The following CSMD2 variants were observed in gnomAD, a reference collection of about 807,000 sequenced individuals.
CSMD2 encodes CUB and sushi domain-containing protein 2.
A neutral mutation model predicts 398.5 loss-of-function variants in CSMD2; 130 were observed. The ratio of observed to expected loss-of-function variants is 0.33; its 90% CI spans 0.28 to 0.38. The LOEUF is 0.38. CSMD2 is among the 10% of genes least tolerant of loss of function. The pLI is 1.00. For missense variants in CSMD2, 3,829 were observed against 4,764.9 expected, an observed-to-expected ratio of 0.80 and a Z score of 5.78; for synonymous variants, 1,828 against 1,908.5, an observed-to-expected ratio of 0.96 and a Z score of 1.10.
intron 13 of CSMD2, among the ~76,000 whole-genome samples, chr1:33,746,462 C>T (rs1647398867): frequency 6.6e-6 from 1 of 151,948 alleles, no homozygotes; most frequent in South Asian, 2.1e-4. Context: ...GGCCTGAGAC[C>T]CTCTCCCCAC....
intron 2 of CSMD2, among the ~76,000 whole-genome samples, chr1:34,069,512 T>C (rs1409084391): frequency 6.6e-6 from 1 of 152,202 alleles, no homozygotes; most frequent in Non-Finnish European, 1.5e-5. Context: ...CAAGGGTACT[T>C]GTCCAAAGTC....
At chr1:33,647,570 A>G (rs1643523413) in intron 28 of CSMD2, among the ~76,000 whole-genome samples, 1 of 152,242 alleles carries the variant, frequency 6.6e-6, no homozygotes, top group Non-Finnish European at 1.5e-5. Flanking sequence ...ACCAAAATAA[A>G]CTCACACTAA....
At chr1:34,136,084 T>C (rs1209984686) in intron 1 of CSMD2, among the ~76,000 whole-genome samples, 4 of 152,028 alleles carry the variant, frequency 2.6e-5, no homozygotes, top group Non-Finnish European at 5.9e-5. Context: ...AAAAATTAGG[T>C]CATTTGGGTA....
chr1:33,999,984 T>C (rs1011934854), intron 3 of CSMD2, among the ~76,000 whole-genome samples: 4 of 152,130 alleles, frequency 2.6e-5, no homozygotes, highest in Admixed American at 6.5e-5. Context: ...CATTTTTTAA[T>C]CTCTCTTGAA....
chr1:33,595,164 ATTGTCATGTCTCT>A (rs1639755101), intron 44 of CSMD2, among the ~76,000 whole-genome samples: 2 of 152,142 alleles, frequency 1.3e-5, no homozygotes, highest in Admixed American at 1.3e-4. Flanking sequence ...GTTGCATTTC[ATTGTCATGTCTCT>A]TTGGTCTCCT....
intron 3 of CSMD2, among the ~76,000 whole-genome samples, chr1:33,981,506 G>C (rs1646165142): frequency 6.6e-6 from 1 of 152,318 alleles, no homozygotes; most frequent in Non-Finnish European, 1.5e-5. Flanking sequence ...GCTGTTTTGA[G>C]TACTTTTACC....
At chr1:33,719,498 T>C (rs979575591) in intron 19 of CSMD2, among the ~76,000 whole-genome samples, 5 of 152,154 alleles carry the variant, frequency 3.3e-5, no homozygotes, top group African/African-American at 1.2e-4. Flanking sequence ...ATGAAGACAT[T>C]GTTGCAGAAA....
At chr1:33,967,732 A>G (rs1022197635) in intron 3 of CSMD2, among the ~76,000 whole-genome samples, 2 of 152,156 alleles carry the variant, frequency 1.3e-5, no homozygotes, top group African/African-American at 4.8e-5. Context: ...ACTCGGGGCA[A>G]TGGGTCTCTG....
At chr1:33,795,622 G>C (rs1557907105) in intron 10 of CSMD2, among the ~76,000 whole-genome samples, 1 of 152,214 alleles carries the variant, frequency 6.6e-6, no homozygotes, top group Non-Finnish European at 1.5e-5. Context: ...AGCCTGACTT[G>C]TCTCAGTTCT....
chr1:34,090,263 T>C (rs1191439155), intron 1 of CSMD2, among the ~76,000 whole-genome samples: 2 of 152,172 alleles, frequency 1.3e-5, no homozygotes, highest in Admixed American at 1.3e-4. Flanking sequence ...TGCTCCCTGG[T>C]GATGTGATGA....
At position 33,533,008 on chromosome 1, in the gene CSMD2, A is replaced by C. The variant is rs1420588897; in HGVS notation, c.10171+42T>G. 6.5e-7 allele frequency: 1 copy of C among 1,536,128 alleles called. No individual in the cohort carries two copies. Among genetic ancestry groups the C allele is most frequent in the African/African-American group, 1.4e-5 (1 of 72,354 alleles). ...CAGCTCAAGTTCAGCCAGCACTTTCAGCCTCCCGCCCTGGAGAGCTTCCCC... is the reference window on the plus strand; with the variant it reads ...CAGCTCAAGTTCAGCCAGCACTTTCCGCCTCCCGCCCTGGAGAGCTTCCCC... On this transcript the variant is annotated intron_variant, in intron 64 of 70. Coordinates refer to ENST00000373381, the MANE Select transcript of CSMD2 (RefSeq NM_001281956.2). The surrounding 1 kb of genome is among the most constrained non-coding windows in gnomAD (Gnocchi z 4.2).
intron 1 of CSMD2, among the ~76,000 whole-genome samples, chr1:34,114,663 A>C (rs1219294306): frequency 5.9e-5 from 9 of 152,160 alleles, no homozygotes; most frequent in Non-Finnish European, 7.3e-5. Flanking sequence ...ACACCACTCC[A>C]TTCCAGCCTG....
chr1:34,109,810 C>T lies in CSMD2; in HGVS notation c.188-20617G>A, dbSNP rs187649355. On this transcript the variant is annotated intron_variant, in intron 1 of 70. Coordinates refer to ENST00000373381, the MANE Select transcript of CSMD2 (RefSeq NM_001281956.2). ...ATCTCAGCACTTTGGGAGGCCAAGG[C>T]GGGCGGATCACGAGGTCAGGAGTTC... 6.4e-3 allele frequency among the ~76,000 whole-genome samples: 979 copies of T among 151,920 alleles called. 14 individuals are homozygous for T. Among genetic ancestry groups the T allele is most frequent in the African/African-American group, 0.021 (866 of 41,450 alleles).
At chr1:33,931,639 C>G (rs149329886) in intron 4 of CSMD2, among the ~76,000 whole-genome samples, 89 of 152,260 alleles carry the variant, frequency 5.8e-4, no homozygotes, top group Non-Finnish European at 8.8e-4. Context: ...GCTGGCTTCC[C>G]TAGGGCGTTT....
chr1:33,830,401 G>C (rs967113613), intron 6 of CSMD2, among the ~76,000 whole-genome samples: 1 of 151,912 alleles, frequency 6.6e-6, no homozygotes, highest in African/African-American at 2.4e-5. Context: ...AGGCAAACAG[G>C]GTCTGGAGTG....
At chr1:33,836,644 G>A (rs762628939) in intron 6 of CSMD2, among the ~76,000 whole-genome samples, 13 of 152,222 alleles carry the variant, frequency 8.5e-5, no homozygotes, top group Non-Finnish European at 1.5e-4. Flanking sequence ...GGCTCCGTGG[G>A]TGTAGGACCC....
intron 22 of CSMD2, among the ~76,000 whole-genome samples, chr1:33,704,124 A>G (rs1645697791): frequency 6.6e-6 from 1 of 152,144 alleles, no homozygotes; most frequent in Non-Finnish European, 1.5e-5. Flanking sequence ...GGTGTCTTAC[A>G]GTTTTTGTTT....
chr1:33,591,691 T>C (rs1639468325), intron 44 of CSMD2: 1 of 152,240 alleles, frequency 6.6e-6, no homozygotes, highest in South Asian at 2.1e-4. Context: ...ACCACAATCA[T>C]AGCTCTCACT....
Position 33,577,406 on chromosome 1 carries a change from A to G in CSMD2, c.7466T>C (p.Ile2489Thr). The change falls in exon 49 of 71, where the codon ATC becomes ACC. Residue 2489 changes from isoleucine to threonine, a missense_variant. Physicochemically the swap from Ile to Thr is moderately conservative, Grantham distance 89 (BLOSUM62 -1). Around this residue, in one of 5 missense-constraint regions of CSMD2, gnomAD observed 723 missense variants for 758.6 expected, o/e 0.95. Coordinates refer to ENST00000373381, the MANE Select transcript of CSMD2 (RefSeq NM_001281956.2). Reference sequence around the variant, plus strand: ...GTAGCCGGCGTTGCAGCCAAAGTGGATGGAGCCCCCGGGCTGGGTGCTGGT... The same window carrying G: ...GTAGCCGGCGTTGCAGCCAAAGTGGGTGGAGCCCCCGGGCTGGGTGCTGGT... ...GQTSTQPGGS[I>T]HFGCNAGYRL... is the part of the protein sequence containing the mutation. 6.2e-7 allele frequency: 1 copy of G among 1,614,130 alleles called. No homozygotes were observed. Among genetic ancestry groups the G allele is most frequent in the Non-Finnish European group, 8.5e-7 (1 of 1,180,008 alleles).
Sources: allele counts gnomAD v4.1 joint callset (sites outside exome capture counted in the v4.1 genomes callset), GRCh38; gene constraint gnomAD v4.1.1; regional missense constraint gnomAD v4.1.1; non-coding constraint Gnocchi (gnomAD v3.1); transcripts MANE v1.5; gene names NCBI Gene and HGNC (gene_info 2026-07-23, HGNC 2026-07-21).